The following RARS2 variants were observed in gnomAD, a reference collection of about 807,000 sequenced individuals.
The protein encoded by RARS2 is probable arginine--tRNA ligase, mitochondrial.
A neutral mutation model predicts 88.5 loss-of-function variants in RARS2; 67 were observed. That is an observed-to-expected ratio of 0.76 (90% CI 0.62 to 0.93). The LOEUF is 0.93. Ranked by LOEUF, RARS2 falls within the 40% of genes least tolerant of loss-of-function variation. The pLI is 0.00. For synonymous variants in RARS2, 239 were observed against 230.3 expected (o/e 1.04, Z -0.34); for missense variants, 664 against 684.2 (o/e 0.97, Z 0.33).
chr6:87,578,565 C>T (rs1043185503), intron 1 of RARS2, among the ~76,000 whole-genome samples: 1 of 152,198 alleles, frequency 6.6e-6, no homozygotes, highest in African/African-American at 2.4e-5. Context: ...CAGACACGTA[C>T]TGTTTACTAA....
intron 4 of RARS2, among the ~76,000 whole-genome samples, chr6:87,559,278 T>C (rs13208550): frequency 0.032 from 4,852 of 151,846 alleles, 104 homozygotes; most frequent in Middle Eastern, 0.054. Context: ...TAATTTATCA[T>C]TGAAGAAAGA....
At chr6:87,539,728 G>A (rs950454443) in intron 8 of RARS2, among the ~76,000 whole-genome samples, 3 of 152,176 alleles carry the variant, frequency 2.0e-5, no homozygotes, top group Non-Finnish European at 4.4e-5. Context: ...GTATACTCTC[G>A]TGGCAAAACT....
chr6:87,548,670 T>A, intron 5 of RARS2, 24 bp from the exon 6 acceptor site: 1 of 1,605,972 alleles, frequency 6.2e-7, no homozygotes, highest in Non-Finnish European at 8.5e-7. Flanking sequence ...GGGAAACATT[T>A]CTCTATTCTA....
At chr6:87,567,382 C>G (rs960489542) in intron 2 of RARS2, among the ~76,000 whole-genome samples, 4 of 152,206 alleles carry the variant, frequency 2.6e-5, no homozygotes, top group African/African-American at 7.2e-5. Context: ...AGTTATTTTC[C>G]CATTAATTCT....
intron 8 of RARS2, among the ~76,000 whole-genome samples, chr6:87,537,514 T>C (rs1210893603): frequency 1.3e-5 from 2 of 150,868 alleles, no homozygotes; most frequent in East Asian, 3.8e-4. Context: ...GGACAAACAA[T>C]ACATTTTATA....
chr6:87,544,815 C>T (rs1418042097), intron 7 of RARS2, among the ~76,000 whole-genome samples: 3 of 152,104 alleles, frequency 2.0e-5, no homozygotes, highest in Non-Finnish European at 4.4e-5. Context: ...TTTGGACTTT[C>T]CCCAACCCAC....
At chr6:87,548,708 G>C (rs1157548025) in intron 5 of RARS2, 62 bp from the exon 6 acceptor site, 1 of 1,461,440 alleles carries the variant, frequency 6.8e-7, no homozygotes, top group South Asian at 1.2e-5. Context: ...GAATCAACTA[G>C]GTCATGCCTC....
intron 1 of RARS2, 175 bp downstream of exon 1, chr6:87,589,747 C>A (rs1036311133): frequency 1.0e-6 from 1 of 985,300 alleles, no homozygotes; most frequent in Non-Finnish European, 1.2e-6. Context: ...CCAGCCGACG[C>A]TCCACAGGAC....
chr6:87,580,881 T>C (rs1351000404), intron 1 of RARS2, among the ~76,000 whole-genome samples: 5 of 152,136 alleles, frequency 3.3e-5, no homozygotes, highest in Admixed American at 6.5e-5. Flanking sequence ...TAATATGTAA[T>C]ATAAGAATGG....
intron 8 of RARS2, among the ~76,000 whole-genome samples, chr6:87,539,146 G>A (rs556930491): frequency 1.6e-4 from 24 of 152,158 alleles, no homozygotes; most frequent in Non-Finnish European, 2.2e-4. Context: ...CTTTTGAGGT[G>A]GGGAAGAAGA....
rs376882665 is a variant in RARS2 at position 87,541,890 on chromosome 6, T to C, written c.612+28A>G. 7.8e-5 allele frequency: 122 copies of C among 1,565,560 alleles called. 1 individual carries two copies. In the African/African-American group the frequency reaches 1.5e-3, roughly 19 times the overall value. On this transcript the variant is annotated intron_variant, in intron 8 of 19. Transcript: ENST00000369536. ...CTAAGCTACATAGTACTCTGAAAAA[T>C]TTTTGAAATGTTTTCTTGCCAACTT...
chr6:87,554,213 T>A (rs577898168), intron 5 of RARS2, among the ~76,000 whole-genome samples: 1 of 152,282 alleles, frequency 6.6e-6, no homozygotes, highest in East Asian at 1.9e-4. Flanking sequence ...AAATGCAACA[T>A]CTCTGATAAT....
chr6:87,519,334 C>T (rs1773048961), intron 14 of RARS2: 1 of 441,958 alleles, frequency 2.3e-6, no homozygotes, highest in Non-Finnish European at 4.2e-6. Context: ...ACCTAGACAA[C>T]AGAATGTCAG....
intron 6 of RARS2, among the ~76,000 whole-genome samples, chr6:87,547,671 C>A (rs1354391568): frequency 6.6e-6 from 1 of 150,418 alleles, no homozygotes; most frequent in Admixed American, 6.6e-5. Context: ...TGAGACAGAA[C>A]CTAGCTCTGT....
At chr6:87,570,539 C>T (rs746396804) in intron 1 of RARS2, among the ~76,000 whole-genome samples, 2 of 152,096 alleles carry the variant, frequency 1.3e-5, no homozygotes, top group African/African-American at 2.4e-5. Context: ...CTGCCTCAGC[C>T]GCCCAAGTAG....
chr6:87,583,550 T>C (rs747320802), intron 1 of RARS2, among the ~76,000 whole-genome samples: 45 of 150,992 alleles, frequency 3.0e-4, no homozygotes, highest in South Asian at 6.2e-4. Flanking sequence ...GATTGTGCCA[T>C]TGCACTCCAG....
At chr6:87,528,063 TAA>T (rs55794237) in intron 10 of RARS2, among the ~76,000 whole-genome samples, 2,220 of 128,878 alleles carry the variant, frequency 0.017, 42 homozygotes, top group African/African-American at 0.051. Flanking sequence ...CCTGGGAACA[TAA>T]AAAAAAAAAA....
At chr6:87,580,613 T>A (rs1399724135) in intron 1 of RARS2, among the ~76,000 whole-genome samples, 1 of 151,844 alleles carries the variant, frequency 6.6e-6, no homozygotes, top group East Asian at 1.9e-4. Flanking sequence ...AAGGACTTTT[T>A]TTTATTTTTC....
intron 1 of RARS2, among the ~76,000 whole-genome samples, chr6:87,573,842 AGCAAATAC>A (rs1158985092): frequency 2.0e-5 from 3 of 152,366 alleles, no homozygotes; most frequent in Admixed American, 2.0e-4. Flanking sequence ...GTTCTCCAGC[AGCAAATAC>A]ACAAGACAGA....
Sources: allele counts gnomAD v4.1 joint callset (sites outside exome capture counted in the v4.1 genomes callset), GRCh38; gene constraint gnomAD v4.1.1; transcripts MANE v1.5; gene names NCBI Gene and HGNC (gene_info 2026-07-23, HGNC 2026-07-21).